The following EEIG2 variants were observed in gnomAD, a reference collection of about 807,000 sequenced individuals.
EEIG2 encodes the protein EEIG family member 2.
At chr1:108,574,295 T>C in the EEIG2 span, among the ~76,000 whole-genome samples, 1 of 151,684 alleles carries the variant, frequency 6.6e-6, no homozygotes, top group African/African-American at 2.4e-5. Context: ...TCTGCTTAAA[T>C]GAGGTACCAA....
At chr1:108,612,432 T>G in the EEIG2 span, 2 of 564,718 alleles carry the variant, frequency 3.5e-6, no homozygotes, top group Non-Finnish European at 3.1e-6. Context: ...ATTCATCACT[T>G]AGGGAAAAAC....
chr1:108,596,576 A>G, the EEIG2 span, among the ~76,000 whole-genome samples: 1 of 152,086 alleles, frequency 6.6e-6, no homozygotes, highest in African/African-American at 2.4e-5. Context: ...TATCAAGCCC[A>G]CTAGTTTGGA....
chr1:108,587,776 T>C, the EEIG2 span, among the ~76,000 whole-genome samples: 3 of 152,198 alleles, frequency 2.0e-5, no homozygotes, highest in Non-Finnish European at 2.9e-5. Context: ...GTATGAAGTC[T>C]TTCCTTCAAT....
At chr1:108,616,467 G>A in the EEIG2 span, 1 of 1,276,334 alleles carries the variant, frequency 7.8e-7, no homozygotes, top group African/African-American at 1.5e-5. Flanking sequence ...GTATCTAAAA[G>A]TATAAGAAAG....
At chr1:108,604,403 A>G in the EEIG2 span, among the ~76,000 whole-genome samples, 1 of 152,206 alleles carries the variant, frequency 6.6e-6, no homozygotes, top group Non-Finnish European at 1.5e-5. Flanking sequence ...GAGTTAAAAC[A>G]TATAAGTGGT....
the EEIG2 span, chr1:108,636,744 A>C: frequency 6.6e-6 from 1 of 152,036 alleles, no homozygotes; most frequent in Non-Finnish European, 1.5e-5. Flanking sequence ...ATTGACCTGA[A>C]CATTTTAGCC....
At chr1:108,631,160 T>G in the EEIG2 span, 5 of 392,652 alleles carry the variant, frequency 1.3e-5, no homozygotes, top group Non-Finnish European at 2.6e-5. Flanking sequence ...TAACTGTTTC[T>G]TGGGCCAATT....
chr1:108,609,384 A>T, the EEIG2 span, among the ~76,000 whole-genome samples: 1 of 152,190 alleles, frequency 6.6e-6, no homozygotes, highest in African/African-American at 2.4e-5. Flanking sequence ...ATGATGTGAT[A>T]GTAACTACTA....
the EEIG2 span, among the ~76,000 whole-genome samples, chr1:108,612,867 C>A: frequency 6.6e-6 from 1 of 152,268 alleles, no homozygotes; most frequent in Non-Finnish European, 1.5e-5. Flanking sequence ...TTAGATAGAC[C>A]TTTTGCAGTG....
the EEIG2 span, among the ~76,000 whole-genome samples, chr1:108,603,346 A>G: frequency 2.6e-5 from 4 of 152,206 alleles, no homozygotes; most frequent in African/African-American, 9.7e-5. Context: ...ATCTGGGGAC[A>G]ACCAAAGAGG....
chr1:108,587,974 C>A, the EEIG2 span, among the ~76,000 whole-genome samples: 564 of 152,080 alleles, frequency 3.7e-3, 23 homozygotes, highest in East Asian at 0.067. Context: ...CTTTCTGTGC[C>A]GGGGTTATTT....
chr1:108,629,079 C>T, the EEIG2 span, among the ~76,000 whole-genome samples: 2 of 152,310 alleles, frequency 1.3e-5, no homozygotes, highest in African/African-American at 2.4e-5. Flanking sequence ...CTACAGCGTT[C>T]GTATACCTAA....
the EEIG2 span, among the ~76,000 whole-genome samples, chr1:108,567,018 AT>A: frequency 6.6e-6 from 1 of 152,186 alleles, no homozygotes; most frequent in African/African-American, 2.4e-5. Context: ...AGCAAAAAAA[AT>A]AAATATGTGA....
the EEIG2 span, chr1:108,628,480 A>C: frequency 6.2e-7 from 1 of 1,614,122 alleles, no homozygotes; most frequent in South Asian, 1.1e-5. Flanking sequence ...CATCAACAGG[A>C]GTTGAAAGTA....
chr1:108,593,478 G>T, the EEIG2 span, among the ~76,000 whole-genome samples: 1 of 152,202 alleles, frequency 6.6e-6, no homozygotes, highest in Admixed American at 6.5e-5. Flanking sequence ...CCTGTAAGCT[G>T]CAAGGGAGGT....
the EEIG2 span, chr1:108,616,441 C>A: frequency 6.5e-7 from 1 of 1,530,730 alleles, no homozygotes; most frequent in Non-Finnish European, 9.0e-7. Flanking sequence ...AAGTTGATAC[C>A]CAATAAATGG....
At chr1:108,625,735 C>A in the EEIG2 span, 2 of 152,774 alleles carry the variant, frequency 1.3e-5, no homozygotes, top group Non-Finnish European at 2.9e-5. Context: ...TCTCTTCCCC[C>A]ACTCTGCCCC....
chr1:108,628,490 A>G, the EEIG2 span: 1 of 1,614,148 alleles, frequency 6.2e-7, no homozygotes, highest in Non-Finnish European at 8.5e-7. Flanking sequence ...AGTTGAAAGT[A>G]TTCTAGAGCC....
chr1:108,634,013 T>G, the EEIG2 span, among the ~76,000 whole-genome samples: 1 of 152,208 alleles, frequency 6.6e-6, no homozygotes, highest in Non-Finnish European at 1.5e-5. Context: ...ATTTATTTCT[T>G]GTTTCTTGGG....
Sources: allele counts gnomAD v4.1 joint callset (sites outside exome capture counted in the v4.1 genomes callset), GRCh38; gene constraint gnomAD v4.1.1; transcripts MANE v1.5; gene names NCBI Gene and HGNC (gene_info 2026-07-23, HGNC 2026-07-21).